CIB3: variants seen among roughly 807,000 people sequenced by gnomAD.
CIB3 encodes calcium and integrin-binding family member 3.
CIB3 carries 22 observed loss-of-function variants against 23.4 expected under a neutral mutation model. The observed-to-expected ratio is 0.94, with a 90% CI of 0.67 to 1.34. CIB3 has a LOEUF of 1.34. Ranked by LOEUF, CIB3 falls within the 40% of genes most tolerant of loss-of-function variation. CIB3 has a pLI of 0.00. For missense variants in CIB3, 258 were observed against 247.3 expected (o/e 1.04, Z -0.29); for synonymous variants, 93 against 95.8 (o/e 0.97, Z 0.17).
At chr19:16,165,734 C>T (rs2091303523) in intron 4 of CIB3, among the ~76,000 whole-genome samples, 1 of 152,182 alleles carries the variant, frequency 6.6e-6, no homozygotes, top group Non-Finnish European at 1.5e-5. Flanking sequence ...GAAGCCACCA[C>T]ACCCAACCTC....
At chr19:16,169,582 G>T (rs1276374091) in intron 3 of CIB3, 48 bp downstream of exon 3, 1 of 1,517,494 alleles carries the variant, frequency 6.6e-7, no homozygotes, top group South Asian at 1.2e-5. Context: ...TGCAACGAGA[G>T]ACATCTCTAC....
chr19:16,172,965 A>AGAAG (rs71886034), intron 2 of CIB3, among the ~76,000 whole-genome samples, 197 bp downstream of exon 2: 15 of 135,606 alleles, frequency 1.1e-4, no homozygotes, highest in South Asian at 4.9e-4. Context: ...AAAAAAGAAA[A>AGAAG]GAAGGAAGGA....
chr19:16,166,676 G>A (rs1270257003), intron 4 of CIB3, among the ~76,000 whole-genome samples: 1 of 152,154 alleles, frequency 6.6e-6, no homozygotes, highest in East Asian at 1.9e-4. Flanking sequence ...TCTACTGTGT[G>A]CCAGGTACTC....
intron 2 of CIB3, among the ~76,000 whole-genome samples, chr19:16,172,206 G>C (rs1321521591): frequency 6.6e-6 from 1 of 152,198 alleles, no homozygotes; most frequent in African/African-American, 2.4e-5. Flanking sequence ...CCAGGCTGGA[G>C]CACAGTGGCG....
In CIB3 at chr19:16,173,443, C is replaced by T. The variant is rs2091339197; in HGVS notation, c.33G>A (p.Glu11=). Residue 11 remains glutamate (E), a synonymous_variant, in exon 1 of 6, where the codon GAG becomes GAA. Coordinates refer to ENST00000269878, the MANE Select transcript of CIB3 (RefSeq NM_054113.4). MGNKQTVFTH[E]QLEAYQDCTF... ...CCTCTACCTGATACGCTTCCAGCTG[C>T]TCGTGTGTGAAGACTGTCTGCTTGT... is the stretch of plus-strand genomic sequence containing the variant. 6.2e-7 allele frequency: 1 copy of T among 1,614,076 alleles called. No individual in the cohort carries two copies. Among genetic ancestry groups the T allele is most frequent in the African/African-American group, 1.3e-5 (1 of 75,052 alleles).
intron 3 of CIB3, among the ~76,000 whole-genome samples, chr19:16,168,743 C>T (rs928782356): frequency 5.9e-5 from 9 of 152,098 alleles, no homozygotes; most frequent in African/African-American, 1.9e-4. Context: ...GAAACCTCTT[C>T]CTGGGAGGAG....
intron 4 of CIB3, among the ~76,000 whole-genome samples, chr19:16,165,691 C>G (rs1338208045): frequency 6.6e-6 from 1 of 152,170 alleles, no homozygotes; most frequent in Non-Finnish European, 1.5e-5. Flanking sequence ...GATCCACCCA[C>G]CTCGGTCTCC....
At chr19:16,170,159 A>G (rs1465471488) in intron 2 of CIB3, among the ~76,000 whole-genome samples, 14 of 152,112 alleles carry the variant, frequency 9.2e-5, no homozygotes, top group Admixed American at 9.2e-4. Flanking sequence ...CTGGGTCCCC[A>G]AGAACACTCA....
intron 2 of CIB3, among the ~76,000 whole-genome samples, chr19:16,171,551 G>C (rs1347063789): frequency 6.6e-6 from 1 of 152,176 alleles, no homozygotes; most frequent in Non-Finnish European, 1.5e-5. Context: ...TTCCCTGTCG[G>C]GGTCCCATCA....
intron 4 of CIB3, 87 bp from the exon 5 acceptor site, chr19:16,165,000 A>T: frequency 8.3e-7 from 1 of 1,208,168 alleles, no homozygotes; most frequent in South Asian, 1.3e-5. Flanking sequence ...TGTTACAAGA[A>T]GGGGAAACTA....
At chr19:16,164,427 C>A (rs1421847984) in intron 5 of CIB3, among the ~76,000 whole-genome samples, 1 of 152,132 alleles carries the variant, frequency 6.6e-6, no homozygotes, top group African/African-American at 2.4e-5. Context: ...CAAAGGCTGC[C>A]AAGTACAGTT....
chr19:16,168,037 C>T (rs1419546308), intron 4 of CIB3, 100 bp downstream of exon 4: 11 of 1,468,142 alleles, frequency 7.5e-6, no homozygotes, highest in Non-Finnish European at 1.0e-5. Flanking sequence ...CATAGGGCCT[C>T]AAAACCCCTG....
At chr19:16,166,532 C>T (rs1277146924) in intron 4 of CIB3, among the ~76,000 whole-genome samples, 2 of 152,192 alleles carry the variant, frequency 1.3e-5, no homozygotes, top group Non-Finnish European at 2.9e-5. Context: ...TAACTGCTTA[C>T]TGTGCACCAG....
At chr19:16,167,967 A>G (rs2091312413) in intron 4 of CIB3, among the ~76,000 whole-genome samples, 170 bp downstream of exon 4, 1 of 152,214 alleles carries the variant, frequency 6.6e-6, no homozygotes, top group African/African-American at 2.4e-5. Context: ...ATGTGGCTGG[A>G]ATAGAGTTAG....
rs762341901 is a variant in CIB3 at position 16,168,151 on chromosome 19, G to A, written c.332C>T (p.Ala111Val). 1.3e-6 allele frequency: 2 copies of A among 1,541,602 alleles called. No individual in the cohort carries two copies. The highest frequency in any genetic ancestry group is 1.1e-5 in the South Asian group (1 of 89,198). The change falls in exon 4 of 6, where the codon GCT becomes GTT. Residue 111 changes from alanine (A) to valine (V), a missense_variant. Ala to Val is a moderately conservative substitution (Grantham distance 64). Coordinates refer to ENST00000269878, the MANE Select transcript of CIB3 (RefSeq NM_054113.4). ...MAPRDLKAYY[A>V]FKIYDFNNDD... ...CACGCACGCACCATAAATTTTAAAA[G>A]CATAGTAAGCCTTGAGGTCGCGGGG...
chr19:16,165,188 G>T (rs1342732693), intron 4 of CIB3, among the ~76,000 whole-genome samples: 2 of 150,700 alleles, frequency 1.3e-5, no homozygotes, highest in Admixed American at 6.6e-5. Flanking sequence ...AGCTATTCAG[G>T]AGGCTGAGGC....
intron 5 of CIB3, among the ~76,000 whole-genome samples, chr19:16,162,810 G>T (rs2091290034): frequency 6.6e-6 from 1 of 150,738 alleles, no homozygotes; most frequent in Non-Finnish European, 1.5e-5. Flanking sequence ...AACAAAATTA[G>T]CCAGGCACAG....
intron 4 of CIB3, among the ~76,000 whole-genome samples, 159 bp downstream of exon 4, chr19:16,167,978 C>A (rs1031733398): frequency 6.6e-6 from 1 of 152,104 alleles, no homozygotes; most frequent in African/African-American, 2.4e-5. Context: ...ATAGAGTTAG[C>A]AAATAAATGA....
intron 3 of CIB3, among the ~76,000 whole-genome samples, chr19:16,169,136 GTTGTTTGT>G (rs370592597): frequency 6.6e-6 from 1 of 151,782 alleles, no homozygotes; most frequent in South Asian, 2.1e-4. Flanking sequence ...TTTTTTGTTT[GTTGTTTGT>G]TTGTTTGTTT....
Sources: gnomAD v4.1 joint callset for allele counts (sites outside exome capture counted in the v4.1 genomes callset) on GRCh38, gnomAD v4.1.1 for gene constraint, MANE v1.5 for transcripts, NCBI Gene and HGNC (gene_info 2026-07-23, HGNC 2026-07-21) for gene names.